Variants in ADAM12 observed in about 807,000 individuals in gnomAD.
ADAM12 encodes ADAM metallopeptidase domain 12.
In ADAM12, 70 loss-of-function variants were observed where a neutral mutation model predicts 106.4. The observed-to-expected ratio is 0.66, with a 90% CI of 0.54 to 0.80. ADAM12 has a LOEUF of 0.80. Ranked by LOEUF, ADAM12 falls within the 30% of genes least tolerant of loss-of-function variation. The pLI is 0.00. For missense variants in ADAM12, 1,010 were observed against 1,171.9 expected (o/e 0.86, Z 2.02); for synonymous variants, 420 against 433.5 (o/e 0.97, Z 0.39).
chr10:126,060,848 G>A (rs919574086), intron 14 of ADAM12, among the ~76,000 whole-genome samples: 2 of 152,166 alleles, frequency 1.3e-5, no homozygotes, highest in Admixed American at 6.5e-5. Flanking sequence ...TGGCAGAGTC[G>A]GGGCTCTTGA....
intron 2 of ADAM12, among the ~76,000 whole-genome samples, chr10:126,324,617 C>T (rs1342045789): frequency 6.6e-6 from 1 of 152,102 alleles, no homozygotes; most frequent in Non-Finnish European, 1.5e-5. Flanking sequence ...TGGTAGACAG[C>T]AGAAAGAAGA....
At chr10:126,383,864 A>G (rs1856568873) in intron 1 of ADAM12, among the ~76,000 whole-genome samples, 2 of 152,238 alleles carry the variant, frequency 1.3e-5, no homozygotes, top group African/African-American at 4.8e-5. Flanking sequence ...GTTTTGTTTG[A>G]AGCAGCAATG....
intron 3 of ADAM12, among the ~76,000 whole-genome samples, chr10:126,157,241 C>G (rs1253477456): frequency 1.3e-5 from 2 of 152,214 alleles, no homozygotes; most frequent in African/African-American, 2.4e-5. Flanking sequence ...AGCTGTCACC[C>G]TCAGGCAGGG....
At chr10:126,159,259 G>T (rs1176293895) in intron 3 of ADAM12, among the ~76,000 whole-genome samples, 1 of 128,360 alleles carries the variant, frequency 7.8e-6, no homozygotes, top group African/African-American at 3.0e-5. Context: ...GCAGTGAGCC[G>T]AGATCATGCC....
At chr10:126,037,118 C>T (rs1954074339) in intron 20 of ADAM12, among the ~76,000 whole-genome samples, 1 of 152,116 alleles carries the variant, frequency 6.6e-6, no homozygotes, top group Admixed American at 6.6e-5. Context: ...AGAGTATATA[C>T]TCTGGCTTTT....
intron 3 of ADAM12, among the ~76,000 whole-genome samples, chr10:126,258,555 G>C (rs11244912): frequency 0.032 from 4,865 of 152,220 alleles, 152 homozygotes; most frequent in African/African-American, 0.068. Flanking sequence ...GGCTTCCCCT[G>C]GTGCAGGGTG....
chr10:126,331,519 G>A (rs765408858), intron 1 of ADAM12, among the ~76,000 whole-genome samples: 2 of 152,184 alleles, frequency 1.3e-5, no homozygotes, highest in African/African-American at 4.8e-5. Context: ...CAATGTGGAA[G>A]TCTGCAGTTA....
intron 1 of ADAM12, among the ~76,000 whole-genome samples, chr10:126,383,981 T>C (rs998756492): frequency 3.3e-5 from 5 of 152,176 alleles, no homozygotes; most frequent in African/African-American, 4.8e-5. Flanking sequence ...TACAAACGCT[T>C]ATGGAAATAT....
At chr10:126,348,715 T>C (rs1441151827) in intron 1 of ADAM12, among the ~76,000 whole-genome samples, 1 of 152,234 alleles carries the variant, frequency 6.6e-6, no homozygotes, top group Admixed American at 6.5e-5. Context: ...CACTGAGGAA[T>C]GTTCTTTGAC....
intron 3 of ADAM12, among the ~76,000 whole-genome samples, chr10:126,210,232 G>A (rs1004415612): frequency 2.0e-5 from 3 of 152,222 alleles, no homozygotes; most frequent in African/African-American, 7.2e-5. Flanking sequence ...GACAAAGCTG[G>A]ACTAGCAGCA....
chr10:126,127,063 T>A (rs1298289482), intron 5 of ADAM12, among the ~76,000 whole-genome samples: 3 of 152,162 alleles, frequency 2.0e-5, no homozygotes, highest in Non-Finnish European at 4.4e-5. Flanking sequence ...GGCATGCACG[T>A]CAAAGCTTCT....
At chr10:126,059,606 T>C (rs908376066) in intron 14 of ADAM12, among the ~76,000 whole-genome samples, 4 of 152,108 alleles carry the variant, frequency 2.6e-5, no homozygotes, top group Admixed American at 6.6e-5. Flanking sequence ...TAAACCAAGC[T>C]CATGTAAACC....
intron 1 of ADAM12, among the ~76,000 whole-genome samples, chr10:126,337,475 A>AGAAAAAGAAG (rs1564741543): frequency 6.6e-6 from 1 of 152,190 alleles, no homozygotes; most frequent in Non-Finnish European, 1.5e-5. Flanking sequence ...CATTCAGCAC[A>AGAAAAAGAAG]GAAAAAGAAG....
chr10:126,072,093 C>A (rs769978299), intron 11 of ADAM12, among the ~76,000 whole-genome samples: 50 of 152,140 alleles, frequency 3.3e-4, no homozygotes, highest in Admixed American at 2.0e-3. Context: ...TTTATTAATT[C>A]CATGGTTCCA....
chr10:126,127,963 G>C (rs1956233004), intron 5 of ADAM12, among the ~76,000 whole-genome samples: 1 of 152,174 alleles, frequency 6.6e-6, no homozygotes, highest in Non-Finnish European at 1.5e-5. Flanking sequence ...GGCGGGAATA[G>C]GGTGGTTTCC....
intron 11 of ADAM12, among the ~76,000 whole-genome samples, chr10:126,080,772 G>A (rs1247319817): frequency 6.6e-6 from 1 of 152,200 alleles, no homozygotes; most frequent in Non-Finnish European, 1.5e-5. Flanking sequence ...TTTAAAAAGA[G>A]GAATGCCACT....
intron 1 of ADAM12, among the ~76,000 whole-genome samples, chr10:126,379,045 C>A (rs887965815): frequency 2.0e-5 from 3 of 152,040 alleles, no homozygotes; most frequent in Non-Finnish European, 4.4e-5. Flanking sequence ...AACAAAAAAC[C>A]CAGGATGAAA....
At chr10:126,256,495 C>T (rs145958883) in intron 3 of ADAM12, among the ~76,000 whole-genome samples, 1 of 152,164 alleles carries the variant, frequency 6.6e-6, no homozygotes, top group African/African-American at 2.4e-5. Context: ...GATAGAGGTT[C>T]TACTACCTTG....
chr10:126,278,877 A>G, intron 3 of ADAM12, 38 bp downstream of exon 3: 1 of 1,501,460 alleles, frequency 6.7e-7, no homozygotes, highest in South Asian at 1.2e-5. Context: ...TGGTGTCTTA[A>G]CTTTCTCCTA....
Sources: allele counts gnomAD v4.1 joint callset (sites outside exome capture counted in the v4.1 genomes callset), GRCh38; gene constraint gnomAD v4.1.1; transcripts MANE v1.5; gene names NCBI Gene and HGNC (gene_info 2026-07-23, HGNC 2026-07-21).